Variants in MAP4K3 observed in about 807,000 individuals in gnomAD.
MAP4K3 encodes MAPK/ERK kinase kinase kinase 3.
A neutral mutation model predicts 143.5 loss-of-function variants in MAP4K3; 94 were observed. The ratio of observed to expected loss-of-function variants is 0.65; its 90% confidence interval spans 0.55 to 0.78. MAP4K3 has a LOEUF of 0.78. MAP4K3 is among the 30% of genes least tolerant of loss of function. MAP4K3 has a pLI of 0.00. For synonymous variants in MAP4K3, 416 were observed against 347.2 expected (o/e 1.20, Z -2.20); for missense variants, 1,077 against 1,068.1 (o/e 1.01, Z -0.12).
chr2:39,436,574 C>T, intron 1 of MAP4K3: 1 of 306,338 alleles, frequency 3.3e-6, no homozygotes, highest in East Asian at 8.6e-5. Context: ...GCAACAAACG[C>T]CCAGACCTTC....
intron 32 of MAP4K3, among the ~76,000 whole-genome samples, chr2:39,252,124 A>C (rs1191150756): frequency 6.6e-6 from 1 of 152,278 alleles, no homozygotes; most frequent in African/African-American, 2.4e-5. Flanking sequence ...TTGTTAAATC[A>C]TAAGACTTCA....
intron 15 of MAP4K3, among the ~76,000 whole-genome samples, chr2:39,301,068 A>AT (rs1682491016): frequency 6.6e-6 from 1 of 151,578 alleles, no homozygotes; most frequent in South Asian, 2.1e-4. Context: ...AAATATAAGG[A>AT]TTTTAAGCAA....
intron 13 of MAP4K3, among the ~76,000 whole-genome samples, chr2:39,312,909 C>G (rs567194820): frequency 2.6e-4 from 40 of 152,316 alleles, no homozygotes; most frequent in Admixed American, 2.4e-3. Context: ...CACCTGTGAA[C>G]ATGCCCATTT....
chr2:39,279,613 C>T (rs1411394077), intron 23 of MAP4K3, among the ~76,000 whole-genome samples: 1 of 151,980 alleles, frequency 6.6e-6, no homozygotes, highest in Non-Finnish European at 1.5e-5. Context: ...GTCACTAAAC[C>T]CCGGATCCTT....
At chr2:39,390,336 AAAC>A (rs1666618070) in intron 1 of MAP4K3, among the ~76,000 whole-genome samples, 1 of 152,242 alleles carries the variant, frequency 6.6e-6, no homozygotes, top group Non-Finnish European at 1.5e-5. Context: ...AATGAAATTT[AAAC>A]AACTCAGCAT....
chr2:39,327,221 C>T (rs190066847), intron 8 of MAP4K3, among the ~76,000 whole-genome samples: 2 of 152,174 alleles, frequency 1.3e-5, no homozygotes, highest in Admixed American at 1.3e-4. Flanking sequence ...AAAACTATTC[C>T]GTCGGGCACC....
At chr2:39,298,481 G>C (rs967044435) in intron 16 of MAP4K3, among the ~76,000 whole-genome samples, 5 of 151,866 alleles carry the variant, frequency 3.3e-5, no homozygotes, top group African/African-American at 9.7e-5. Context: ...CTCTCTGTTA[G>C]GAAAGGATAG....
intron 14 of MAP4K3, 135 bp downstream of exon 14, chr2:39,309,326 T>C (rs1238544236): frequency 4.9e-6 from 3 of 610,994 alleles, no homozygotes; most frequent in East Asian, 3.2e-5. Flanking sequence ...GGTCTTACTA[T>C]GTTGACCAGG....
intron 2 of MAP4K3, among the ~76,000 whole-genome samples, chr2:39,375,164 T>C (rs1031367123): frequency 3.3e-5 from 5 of 151,824 alleles, no homozygotes; most frequent in African/African-American, 9.7e-5. Context: ...GAGACTGAGG[T>C]AGAAGTATAC....
intron 3 of MAP4K3, 65 bp from the exon 4 acceptor site, chr2:39,343,517 G>A (rs1393633156): frequency 7.7e-7 from 1 of 1,305,958 alleles, no homozygotes; most frequent in Non-Finnish European, 1.1e-6. Context: ...GAGGTAACAA[G>A]TATTTTAAGG....
intron 28 of MAP4K3, 82 bp downstream of exon 28, chr2:39,265,121 C>A: frequency 1.0e-6 from 1 of 987,754 alleles, no homozygotes; most frequent in Non-Finnish European, 1.6e-6. Context: ...TGAAAATTAA[C>A]TGAAAAAAAT....
chr2:39,255,525 C>A (rs1231091191), intron 31 of MAP4K3, among the ~76,000 whole-genome samples: 1 of 152,096 alleles, frequency 6.6e-6, no homozygotes, highest in Non-Finnish European at 1.5e-5. Flanking sequence ...TATTTCTGGG[C>A]CTTTTCTTCT....
At chr2:39,384,475 G>A (rs1055029232) in intron 1 of MAP4K3, among the ~76,000 whole-genome samples, 2 of 152,256 alleles carry the variant, frequency 1.3e-5, no homozygotes, top group African/African-American at 4.8e-5. Context: ...GAACCCGGGA[G>A]GCGGAAGTTG....
intron 32 of MAP4K3, among the ~76,000 whole-genome samples, chr2:39,254,093 A>C (rs891820867): frequency 6.6e-6 from 1 of 152,262 alleles, no homozygotes; most frequent in African/African-American, 2.4e-5. Context: ...AGTACAAGGT[A>C]GAAAAGGTGC....
intron 1 of MAP4K3, among the ~76,000 whole-genome samples, chr2:39,418,574 TG>T (rs926397832): frequency 1.8e-4 from 27 of 152,224 alleles, no homozygotes; most frequent in African/African-American, 5.1e-4. Flanking sequence ...TGCAGAAACC[TG>T]GTTAACTAAA....
chr2:39,303,935 G>A (rs546378875), intron 15 of MAP4K3, among the ~76,000 whole-genome samples: 1 of 152,112 alleles, frequency 6.6e-6, no homozygotes, highest in Non-Finnish European at 1.5e-5. Context: ...GAAAAAAATA[G>A]CATCAGTTAA....
chr2:39,416,079 T>C (rs1336634959), intron 1 of MAP4K3, among the ~76,000 whole-genome samples: 1 of 142,874 alleles, frequency 7.0e-6, no homozygotes, highest in Non-Finnish European at 1.5e-5. Context: ...ATTTAAGTCA[T>C]ACTAACTGGG....
At chr2:39,337,679 C>T (rs1209317425) in intron 4 of MAP4K3, 98 bp from the exon 5 acceptor site, 6 of 646,026 alleles carry the variant, frequency 9.3e-6, no homozygotes, top group South Asian at 1.9e-5. Context: ...CTTAATATCC[C>T]TAAACAATTC....
intron 3 of MAP4K3, among the ~76,000 whole-genome samples, chr2:39,348,188 G>T (rs1326890337): frequency 6.6e-6 from 1 of 151,812 alleles, no homozygotes; most frequent in Non-Finnish European, 1.5e-5. Flanking sequence ...TTCCTTGCTA[G>T]AGAAAATGAA....
Sources: gnomAD v4.1 joint callset for allele counts (sites outside exome capture counted in the v4.1 genomes callset) on GRCh38, gnomAD v4.1.1 for gene constraint, MANE v1.5 for transcripts, NCBI Gene and HGNC (gene_info 2026-07-23, HGNC 2026-07-21) for gene names.